GAS2: variants seen among roughly 807,000 people sequenced by gnomAD.
GAS2 encodes the protein growth arrest-specific protein 2.
Under a neutral mutation model 37.5 loss-of-function variants are expected in GAS2, and 20 were observed. The ratio of observed to expected loss-of-function variants is 0.53; its 90% CI spans 0.37 to 0.77. GAS2 has a LOEUF of 0.77. Ranked by LOEUF, GAS2 falls within the 30% of genes least tolerant of loss-of-function variation. GAS2 has a pLI of 0.00. For missense variants in GAS2, 336 were observed against 373.4 expected, an observed-to-expected ratio of 0.90 and a Z score of 0.82; for synonymous variants, 144 against 132.2, an observed-to-expected ratio of 1.09 and a Z score of -0.61.
At chr11:22,679,145 A>G (rs1849563244) in intron 2 of GAS2, among the ~76,000 whole-genome samples, 1 of 152,044 alleles carries the variant, frequency 6.6e-6, no homozygotes, top group Non-Finnish European at 1.5e-5. Context: ...TACTGATCTT[A>G]TAGAAAATAC....
chr11:22,756,789 G>A (rs1265289078), intron 7 of GAS2, among the ~76,000 whole-genome samples: 1 of 151,976 alleles, frequency 6.6e-6, no homozygotes, highest in Non-Finnish European at 1.5e-5. Flanking sequence ...TTCTGCTTTG[G>A]AATAGCAGCA....
At chr11:22,639,311 G>A (rs1186128677) in intron 1 of GAS2, among the ~76,000 whole-genome samples, 3 of 152,120 alleles carry the variant, frequency 2.0e-5, no homozygotes, top group African/African-American at 7.2e-5. Context: ...ATAAAAATAA[G>A]CATAGATTGA....
chr11:22,668,984 T>G (rs1314479003), intron 1 of GAS2, among the ~76,000 whole-genome samples: 1 of 152,212 alleles, frequency 6.6e-6, no homozygotes, highest in Non-Finnish European at 1.5e-5. Flanking sequence ...GAAAATAATC[T>G]GCTGTCAAAA....
Position 22,755,967 on chromosome 11 carries a change from T to G in GAS2, c.723+14T>G. 6.5e-7 allele frequency: 1 copy of G among 1,548,138 alleles called. No homozygotes were observed. Among genetic ancestry groups the G allele is most frequent in the Admixed American group, 1.7e-5 (1 of 58,498 alleles). On this transcript the variant is annotated intron_variant, in intron 7 of 7. Transcript: ENST00000454584. The stretch of plus-strand genomic sequence containing the variant: ...CTCTTCATTAGGGTAAAGTTTTACT[T>G]TTCACTTATCTTGTTTTTATGGGAA...
intron 7 of GAS2, among the ~76,000 whole-genome samples, chr11:22,759,111 C>T (rs1302822361): frequency 1.3e-5 from 2 of 151,970 alleles, no homozygotes; most frequent in African/African-American, 2.4e-5. Context: ...CATATCTTCC[C>T]TATACATTCA....
At chr11:22,698,459 T>A (rs373729972) in intron 3 of GAS2, among the ~76,000 whole-genome samples, 11 of 151,986 alleles carry the variant, frequency 7.2e-5, no homozygotes, top group African/African-American at 9.7e-5. Context: ...AACTGGTACC[T>A]TTCCTTCTGA....
intron 3 of GAS2, among the ~76,000 whole-genome samples, chr11:22,704,562 T>C (rs1443122457): frequency 2.3e-5 from 3 of 131,508 alleles, no homozygotes; most frequent in Non-Finnish European, 4.7e-5. Flanking sequence ...GATATTAAAC[T>C]TCAATTAGAA....
chr11:22,653,722 T>G (rs1465644535), intron 1 of GAS2, among the ~76,000 whole-genome samples: 3 of 139,574 alleles, frequency 2.1e-5, no homozygotes, highest in Non-Finnish European at 4.5e-5. Flanking sequence ...CAGTTAGGAT[T>G]GAGACAATAG....
intron 3 of GAS2, among the ~76,000 whole-genome samples, chr11:22,704,619 A>ATATATATATATG (rs1851014358): frequency 7.1e-6 from 1 of 140,050 alleles, no homozygotes; most frequent in African/African-American, 2.6e-5. Context: ...ATATATATAT[A>ATATATATATATG]TATATTTTGC....
intron 1 of GAS2, among the ~76,000 whole-genome samples, chr11:22,657,415 TG>T (rs1456062846): frequency 6.6e-6 from 1 of 152,162 alleles, no homozygotes; most frequent in Non-Finnish European, 1.5e-5. Context: ...TCTCCCTAGT[TG>T]TTTAATGTTT....
intron 7 of GAS2, among the ~76,000 whole-genome samples, chr11:22,775,008 T>C (rs1343502027): frequency 6.6e-6 from 1 of 151,780 alleles, no homozygotes; most frequent in African/African-American, 2.4e-5. Context: ...ACTGTAGAAG[T>C]GCAGCCTTGA....
At chr11:22,764,561 C>CAAAAA (rs71311297) in intron 7 of GAS2, among the ~76,000 whole-genome samples, 7 of 61,628 alleles carry the variant, frequency 1.1e-4, no homozygotes, top group South Asian at 1.3e-3. Flanking sequence ...GACTCCGTCT[C>CAAAAA]AAAAAAAAAA....
intron 1 of GAS2, 146 bp downstream of exon 1, chr11:22,667,045 C>T (rs1185720523): frequency 6.6e-6 from 1 of 152,250 alleles, no homozygotes; most frequent in African/African-American, 2.4e-5. Context: ...ACCTCAGGAA[C>T]GAGGCGGGGA....
chr11:22,661,527 G>T (rs1848916107), intron 1 of GAS2, among the ~76,000 whole-genome samples: 1 of 152,164 alleles, frequency 6.6e-6, no homozygotes, highest in Non-Finnish European at 1.5e-5. Flanking sequence ...AGTGCTCAGA[G>T]CACTGGACAT....
intron 6 of GAS2, among the ~76,000 whole-genome samples, chr11:22,751,147 G>A (rs573339901): frequency 6.6e-6 from 1 of 151,994 alleles, no homozygotes; most frequent in East Asian, 1.9e-4. Flanking sequence ...ATGTCATATA[G>A]TCCATAGCCC....
At chr11:22,663,842 CT>C (rs1372067568), upstream of GAS2, among the ~76,000 whole-genome samples, 9 of 152,086 alleles carry the variant, frequency 5.9e-5, 1 homozygote, top group South Asian at 1.9e-3. Flanking sequence ...TTCTCTTTGC[CT>C]TATGACATTA....
At chr11:22,788,777 A>G (rs1855946554) in intron 7 of GAS2, among the ~76,000 whole-genome samples, 1 of 152,146 alleles carries the variant, frequency 6.6e-6, no homozygotes, top group Non-Finnish European at 1.5e-5. Context: ...TCTGCCACTT[A>G]CTAAATTTTG....
chr11:22,789,669 G>T (rs1459844279), intron 7 of GAS2, among the ~76,000 whole-genome samples: 1 of 150,634 alleles, frequency 6.6e-6, no homozygotes, highest in Non-Finnish European at 1.5e-5. Flanking sequence ...GTTTCACCGC[G>T]TTAACCAGAA....
chr11:22,709,696 A>G (rs1180000901), intron 3 of GAS2, among the ~76,000 whole-genome samples: 2 of 152,202 alleles, frequency 1.3e-5, no homozygotes, highest in African/African-American at 4.8e-5. Flanking sequence ...ATGCTGCTAT[A>G]AAGACACATG....
Sources: gnomAD v4.1 joint callset for allele counts (sites outside exome capture counted in the v4.1 genomes callset) on GRCh38, gnomAD v4.1.1 for gene constraint, MANE v1.5 for transcripts, NCBI Gene and HGNC (gene_info 2026-07-23, HGNC 2026-07-21) for gene names.